ROBO1: variants seen among roughly 807,000 people sequenced by gnomAD.
The protein encoded by ROBO1 is roundabout guidance receptor 1.
Under a neutral mutation model 195.9 loss-of-function variants are expected in ROBO1, and 149 were observed. The ratio of observed to expected loss-of-function variants is 0.76; its 90% CI spans 0.67 to 0.87. The LOEUF is 0.87. Ranked by LOEUF, ROBO1 falls within the 40% of genes least tolerant of loss-of-function variation. ROBO1 has a pLI of 0.00. For synonymous variants in ROBO1, 816 were observed against 733.2 expected (o/e 1.11, Z -1.82); for missense variants, 1,933 against 2,068.3 (o/e 0.93, Z 1.27).
chr3:78,718,655 AGAGTT>A (rs1323617374), intron 5 of ROBO1, among the ~76,000 whole-genome samples: 3 of 152,084 alleles, frequency 2.0e-5, no homozygotes, highest in African/African-American at 7.2e-5. Flanking sequence ...CTTTTGGATG[AGAGTT>A]GAGTTCAATT....
At chr3:79,098,837 A>G (rs1485802515) in intron 3 of ROBO1, among the ~76,000 whole-genome samples, 1 of 151,620 alleles carries the variant, frequency 6.6e-6, no homozygotes, top group East Asian at 1.9e-4. Flanking sequence ...TCATATTGTC[A>G]CTGTCGAAGA....
chr3:79,659,722 AAG>A (rs1236681678), intron 1 of ROBO1, among the ~76,000 whole-genome samples: 1 of 152,066 alleles, frequency 6.6e-6, no homozygotes, highest in African/African-American at 2.4e-5. Context: ...TCCACCATGG[AAG>A]AGTTACTAAG....
chr3:78,993,965 TG>T (rs1313639392), intron 3 of ROBO1, among the ~76,000 whole-genome samples: 3 of 151,792 alleles, frequency 2.0e-5, no homozygotes, highest in Non-Finnish European at 4.4e-5. Context: ...AGAAAGAGAA[TG>T]GTTATTTTAC....
At chr3:78,942,839 T>C (rs1322697988) in intron 3 of ROBO1, among the ~76,000 whole-genome samples, 1 of 152,118 alleles carries the variant, frequency 6.6e-6, no homozygotes, top group Non-Finnish European at 1.5e-5. Flanking sequence ...CCCATGAGGC[T>C]GCAGTGTGCT....
intron 4 of ROBO1, among the ~76,000 whole-genome samples, chr3:78,764,139 T>G (rs2083172185): frequency 6.6e-6 from 1 of 152,202 alleles, no homozygotes. Flanking sequence ...TCTACTGTTT[T>G]GTACTGTGGA....
At chr3:79,620,462 C>T (rs1213117645) in intron 1 of ROBO1, among the ~76,000 whole-genome samples, 2 of 152,048 alleles carry the variant, frequency 1.3e-5, no homozygotes, top group African/African-American at 2.4e-5. Context: ...TTGTGGGTAT[C>T]GACGGCCAGG....
chr3:79,688,274 C>T lies in ROBO1; in HGVS notation c.-51+79478G>A, dbSNP rs796813994. ...TAGGAGATATACCTAATGTAAATGA[C>T]GAGTTAATGGGTGCAGCACACCAAC... On this transcript the variant is annotated intron_variant, in intron 1 of 30. Transcript: ENST00000464233. Among the ~76,000 whole-genome samples the T allele has an allele frequency of 3.8e-4, 57 of 151,114 alleles. 1 individual carries two copies. The highest frequency in any genetic ancestry group is 1.2e-3 in the African/African-American group (51 of 41,244).
At chr3:79,561,476 G>A (rs568590895) in intron 2 of ROBO1, among the ~76,000 whole-genome samples, 2 of 152,216 alleles carry the variant, frequency 1.3e-5, no homozygotes, top group East Asian at 1.9e-4. Flanking sequence ...ACAAGGTGCC[G>A]CTGTTGGAGC....
intron 8 of ROBO1, among the ~76,000 whole-genome samples, chr3:78,706,759 C>A (rs953836866): frequency 9.2e-5 from 14 of 151,748 alleles, no homozygotes; most frequent in Non-Finnish European, 1.9e-4. Context: ...TAAAATGGGG[C>A]AATGATAAGA....
chr3:78,826,168 G>C (rs1025591998), intron 4 of ROBO1, among the ~76,000 whole-genome samples: 48 of 152,146 alleles, frequency 3.2e-4, no homozygotes, highest in African/African-American at 1.1e-3. Flanking sequence ...AAGGAACTCT[G>C]CTTCAGTAAT....
At chr3:79,298,263 G>C (rs1252155447) in intron 2 of ROBO1, among the ~76,000 whole-genome samples, 2 of 152,036 alleles carry the variant, frequency 1.3e-5, no homozygotes, top group African/African-American at 2.4e-5. Context: ...GGCAACATAC[G>C]AACAAAAAGT....
chr3:79,669,915 T>C (rs1461142139), intron 1 of ROBO1, among the ~76,000 whole-genome samples: 3 of 151,864 alleles, frequency 2.0e-5, no homozygotes, highest in East Asian at 1.9e-4. Flanking sequence ...TAATTTACGG[T>C]TTTTGCACTT....
At position 78,670,111 on chromosome 3, in the gene ROBO1, C is replaced by T. The variant is rs1707978064; in HGVS notation, c.1533G>A (p.Gln511=). Reference sequence around the variant, plus strand: ...TCCAAGTTACCTTAGCATATCGGATCTGCAGTACTCCATTCTCCAACTGTT... The same window carrying T: ...TCCAAGTTACCTTAGCATATCGGATTTGCAGTACTCCATTCTCCAACTGTT... ...RIKQLENGVL[Q]IRYAKLGDTG... is the part of the protein sequence containing the mutation. Residue 511 remains glutamine, a synonymous_variant, in exon 11 of 31, where the codon CAG becomes CAA. Coordinates refer to ENST00000464233, the MANE Select transcript of ROBO1 (RefSeq NM_002941.4). The T allele has an allele frequency of 6.2e-7, 1 of 1,611,768 alleles. No homozygotes were observed. Among genetic ancestry groups the T allele is most frequent in the Non-Finnish European group, 8.5e-7 (1 of 1,178,466 alleles).
At chr3:78,624,927 G>A (rs1163482131) in intron 26 of ROBO1, among the ~76,000 whole-genome samples, 1 of 152,092 alleles carries the variant, frequency 6.6e-6, no homozygotes, top group Non-Finnish European at 1.5e-5. Flanking sequence ...TGAGTTTCAG[G>A]CAAATTTAGG....
At chr3:79,056,360 A>C (rs6548610) in intron 3 of ROBO1, among the ~76,000 whole-genome samples, 150,403 of 152,100 alleles carry the variant, frequency 0.99, 74,391 homozygotes, top group Middle Eastern at 1. Context: ...TTAATTGCCG[A>C]CCCCACTGAT....
At chr3:79,206,557 A>G (rs1459270647) in intron 2 of ROBO1, among the ~76,000 whole-genome samples, 2 of 152,196 alleles carry the variant, frequency 1.3e-5, no homozygotes, top group African/African-American at 4.8e-5. Flanking sequence ...AGTTTCAGGC[A>G]TCTACTGGGG....
chr3:79,173,454 T>C (rs2108704283), intron 2 of ROBO1, among the ~76,000 whole-genome samples: 1 of 152,102 alleles, frequency 6.6e-6, no homozygotes, highest in Non-Finnish European at 1.5e-5. Flanking sequence ...CCTGCCTCCC[T>C]GGGCAATGAG....
chr3:79,105,095 T>C (rs2079753612), intron 3 of ROBO1, among the ~76,000 whole-genome samples: 1 of 151,824 alleles, frequency 6.6e-6, no homozygotes, highest in South Asian at 2.1e-4. Context: ...GAGACCATCT[T>C]TGTGAGTAAA....
intron 4 of ROBO1, among the ~76,000 whole-genome samples, chr3:78,859,958 G>A (rs921569107): frequency 7.9e-5 from 12 of 151,928 alleles, no homozygotes; most frequent in East Asian, 3.9e-4. Context: ...GGACGCCTGT[G>A]GTCCCAGCTA....
Sources: allele counts gnomAD v4.1 joint callset (sites outside exome capture counted in the v4.1 genomes callset), GRCh38; gene constraint gnomAD v4.1.1; transcripts MANE v1.5; gene names NCBI Gene and HGNC (gene_info 2026-07-23, HGNC 2026-07-21).